Variants in PDE1C observed in about 807,000 individuals in gnomAD.
The protein encoded by PDE1C is dual specificity calcium/calmodulin-dependent 3',5'-cyclic nucleotide phosphodiesterase 1C.
A neutral mutation model predicts 93.1 loss-of-function variants in PDE1C; 62 were observed. The ratio of observed to expected loss-of-function variants is 0.67; its 90% CI spans 0.54 to 0.82. PDE1C has a LOEUF of 0.82. PDE1C is among the 40% of genes least tolerant of loss of function. The pLI, the probability that PDE1C is intolerant of heterozygous loss-of-function variation, is 0.00. For missense variants in PDE1C, 742 were observed against 884.6 expected, an observed-to-expected ratio of 0.84 and a Z score of 2.04; for synonymous variants, 325 against 310.1, an observed-to-expected ratio of 1.05 and a Z score of -0.50.
At chr7:32,112,844 GTGTATATATATATA>G (rs1349218655) in intron 3 of PDE1C, among the ~76,000 whole-genome samples, 36 of 54,138 alleles carry the variant, frequency 6.6e-4, no homozygotes, top group African/African-American at 2.4e-3. Flanking sequence ...GTGTGTGTGT[GTGTATATATATATA>G]TATATATATA....
intron 2 of PDE1C, among the ~76,000 whole-genome samples, chr7:31,910,868 A>G (rs1801147912): frequency 6.6e-6 from 1 of 152,216 alleles, no homozygotes; most frequent in South Asian, 2.1e-4. Context: ...AAACACCAGA[A>G]GAGTGTTTGC....
At chr7:31,859,660 C>T (rs547700544) in intron 7 of PDE1C, among the ~76,000 whole-genome samples, 2 of 151,832 alleles carry the variant, frequency 1.3e-5, no homozygotes, top group African/African-American at 4.8e-5. Flanking sequence ...TAAGATGATC[C>T]CACTACTGGG....
At chr7:32,409,127 T>A (rs1198037552) in intron 1 of PDE1C, among the ~76,000 whole-genome samples, 1 of 151,868 alleles carries the variant, frequency 6.6e-6, no homozygotes, top group Non-Finnish European at 1.5e-5. Flanking sequence ...TAGGCCAAGG[T>A]GGGCAGATTG....
chr7:32,345,458 T>C (rs923421991), intron 1 of PDE1C, among the ~76,000 whole-genome samples: 2 of 152,138 alleles, frequency 1.3e-5, no homozygotes, highest in African/African-American at 2.4e-5. Context: ...AAGAATCAGA[T>C]GACACCAAAA....
intron 1 of PDE1C, among the ~76,000 whole-genome samples, chr7:32,242,366 G>A (rs1170630595): frequency 6.6e-6 from 1 of 152,172 alleles, no homozygotes; most frequent in Non-Finnish European, 1.5e-5. Context: ...AGCAAAGAAA[G>A]GAGTAGTCAA....
chr7:31,750,633 A>C (rs1278736418), downstream of PDE1C, among the ~76,000 whole-genome samples: 1 of 152,266 alleles, frequency 6.6e-6, no homozygotes, highest in Admixed American at 6.5e-5. Context: ...GATATTATGC[A>C]ATTTAGTAAA....
chr7:32,295,304 C>A (rs1812557676), intron 1 of PDE1C, among the ~76,000 whole-genome samples: 1 of 152,166 alleles, frequency 6.6e-6, no homozygotes, highest in South Asian at 2.1e-4. Context: ...CTGTGGGAGG[C>A]AGCATGATGT....
At chr7:31,765,918 C>T (rs577045653) in intron 17 of PDE1C, among the ~76,000 whole-genome samples, 1 of 152,092 alleles carries the variant, frequency 6.6e-6, no homozygotes, top group Non-Finnish European at 1.5e-5. Context: ...CACAGGCCTG[C>T]CCCCTGCTAA....
rs1811967134 is a variant in PDE1C at position 32,285,838 on chromosome 7, G to A, written c.85+12813C>T. Among the ~76,000 whole-genome samples, 4 of 149,642 alleles carry A rather than the reference G, an allele frequency of 2.7e-5. No homozygotes were observed. In the South Asian group the frequency reaches 8.7e-4, roughly 32 times the overall value. ...GAGAGAGAATAAGGGGAGGGGAAGG[G>A]AGGGAAAGATAAAACAAGAGTGGAA... is the stretch of plus-strand genomic sequence containing the variant. On this transcript the variant is annotated intron_variant, in intron 1 of 18. Coordinates refer to the PDE1C transcript ENST00000396193.
the PDE1C span, among the ~76,000 whole-genome samples, chr7:31,665,417 G>T: frequency 6.6e-6 from 1 of 151,998 alleles, no homozygotes; most frequent in Non-Finnish European, 1.5e-5. Context: ...CAGCCTTATG[G>T]AAGAGAAACT....
At chr7:31,629,608 TTA>T in the PDE1C span, among the ~76,000 whole-genome samples, 27 of 152,352 alleles carry the variant, frequency 1.8e-4, no homozygotes, top group African/African-American at 5.5e-4. Context: ...AGTGCGAATT[TTA>T]TCTTTCAAAA....
At chr7:32,118,729 T>A (rs1185436066) in intron 3 of PDE1C, among the ~76,000 whole-genome samples, 2 of 152,178 alleles carry the variant, frequency 1.3e-5, no homozygotes, top group East Asian at 3.9e-4. Flanking sequence ...AAGAGAACAT[T>A]AATCCATTCA....
chr7:32,139,428 A>C (rs532034124), intron 3 of PDE1C, among the ~76,000 whole-genome samples: 15 of 151,808 alleles, frequency 9.9e-5, no homozygotes, highest in Admixed American at 4.6e-4. Context: ...AATGAACCAA[A>C]CAACCAATTC....
chr7:32,406,218 C>A (rs1785049105), intron 1 of PDE1C, among the ~76,000 whole-genome samples: 1 of 152,166 alleles, frequency 6.6e-6, no homozygotes, highest in Admixed American at 6.5e-5. Flanking sequence ...TCTGGGAATT[C>A]TCCACCACAC....
At chr7:31,871,844 C>T (rs775028618) in intron 6 of PDE1C, among the ~76,000 whole-genome samples, 39 of 151,812 alleles carry the variant, frequency 2.6e-4, no homozygotes, top group Non-Finnish European at 5.0e-4. Flanking sequence ...CCATGCAATC[C>T]AGCAATCTCA....
At chr7:32,384,190 T>C (rs1784584718) in intron 1 of PDE1C, among the ~76,000 whole-genome samples, 1 of 152,120 alleles carries the variant, frequency 6.6e-6, no homozygotes, top group Non-Finnish European at 1.5e-5. Flanking sequence ...GGCAAGATAA[T>C]GCTAGGTTTT....
intron 1 of PDE1C, among the ~76,000 whole-genome samples, chr7:32,368,937 T>C (rs904552876): frequency 1.3e-5 from 2 of 152,078 alleles, no homozygotes; most frequent in African/African-American, 4.8e-5. Flanking sequence ...AAACTGGCTA[T>C]CTATATGCAA....
chr7:32,358,402 C>T (rs1018713884), intron 1 of PDE1C, among the ~76,000 whole-genome samples: 1 of 152,194 alleles, frequency 6.6e-6, no homozygotes, highest in Non-Finnish European at 1.5e-5. Context: ...AACAGCAGCC[C>T]CTCTCAAGCT....
chr7:32,298,593 G>A, intron 1 of PDE1C: 1 of 1,539,714 alleles, frequency 6.5e-7, no homozygotes, highest in Non-Finnish European at 8.8e-7. Flanking sequence ...AACTCTGACC[G>A]CCACCGGAGA....
Sources: gnomAD v4.1 joint callset for allele counts (sites outside exome capture counted in the v4.1 genomes callset) on GRCh38, gnomAD v4.1.1 for gene constraint, MANE v1.5 for transcripts, NCBI Gene and HGNC (gene_info 2026-07-23, HGNC 2026-07-21) for gene names.